Variants in PFDN1 observed in about 807,000 individuals in gnomAD.
PFDN1 encodes prefoldin subunit 1, also known as prefoldin 1.
Under a neutral mutation model 17.3 loss-of-function variants are expected in PFDN1, and 6 were observed. The ratio of observed to expected loss-of-function variants is 0.35; its 90% CI spans 0.19 to 0.69. The LOEUF (loss-of-function observed/expected upper bound fraction) is 0.69, where lower values mean the gene tolerates loss of function less well. PFDN1 is among the 30% of genes least tolerant of loss of function. The pLI, the probability that PFDN1 is intolerant of heterozygous loss-of-function variation, is 0.65. For missense variants in PFDN1, 113 were observed against 146.2 expected (o/e 0.77, Z 1.17); for synonymous variants, 58 against 50.1 (o/e 1.16, Z -0.67).
intron 2 of PFDN1, among the ~76,000 whole-genome samples, chr5:140,285,406 G>A (rs944284103): frequency 8.6e-5 from 13 of 151,904 alleles, no homozygotes; most frequent in Non-Finnish European, 1.6e-4. Flanking sequence ...CACTGGTGAG[G>A]AAAGTTACTG....
chr5:140,281,568 A>G (rs2126693214), intron 2 of PFDN1, 35 bp from the exon 3 acceptor site: 1 of 1,049,862 alleles, frequency 9.5e-7, no homozygotes, highest in East Asian at 2.4e-5. Flanking sequence ...ATTAAGCCAC[A>G]TGACTATTGA....
intron 3 of PFDN1, among the ~76,000 whole-genome samples, chr5:140,271,972 A>G (rs961934572): frequency 1.2e-3 from 170 of 144,466 alleles, no homozygotes; most frequent in Middle Eastern, 7.4e-3. Flanking sequence ...ATTTATATAC[A>G]TAAGATATAT....
At chr5:140,280,019 AAAGAAAAG>A (rs1171915875) in intron 3 of PFDN1, among the ~76,000 whole-genome samples, 9 of 148,738 alleles carry the variant, frequency 6.1e-5, no homozygotes, top group South Asian at 2.1e-4. Flanking sequence ...AAAAACAAAA[AAAGAAAAG>A]AAAAGAAAAG....
chr5:140,298,404 T>C (rs1765684262), intron 2 of PFDN1, among the ~76,000 whole-genome samples: 1 of 151,992 alleles, frequency 6.6e-6, no homozygotes, highest in Non-Finnish European at 1.5e-5. Context: ...TCTGAAGTAA[T>C]GGTCTACTTA....
At chr5:140,246,296 GACAGGCAGT>G (rs1561489304) in intron 3 of PFDN1, among the ~76,000 whole-genome samples, 1 of 152,132 alleles carries the variant, frequency 6.6e-6, no homozygotes, top group Non-Finnish European at 1.5e-5. Context: ...CTCTGTGGAG[GACAGGCAGT>G]AGCACTCTTC....
intron 3 of PFDN1, among the ~76,000 whole-genome samples, chr5:140,263,070 T>G (rs1483610596): frequency 6.6e-6 from 1 of 152,242 alleles, no homozygotes; most frequent in African/African-American, 2.4e-5. Context: ...GTACTTTTCA[T>G]AAGGGATAAA....
chr5:140,247,987 G>C (rs1764856238), intron 3 of PFDN1, among the ~76,000 whole-genome samples: 2 of 152,036 alleles, frequency 1.3e-5, no homozygotes, highest in Non-Finnish European at 2.9e-5. Flanking sequence ...TGCTGCTAAG[G>C]AATTTTAATT....
At chr5:140,277,493 CA>C (rs1163277612) in intron 3 of PFDN1, among the ~76,000 whole-genome samples, 2 of 151,652 alleles carry the variant, frequency 1.3e-5, no homozygotes, top group African/African-American at 4.8e-5. Context: ...TTCAGAAATA[CA>C]AATTTTCCAG....
chr5:140,257,206 A>G (rs1290997909), intron 3 of PFDN1, among the ~76,000 whole-genome samples: 3 of 151,048 alleles, frequency 2.0e-5, no homozygotes, highest in Non-Finnish European at 4.4e-5. Flanking sequence ...CTGGGCAACA[A>G]GAGCAAAACT....
In PFDN1 at chr5:140,249,747, G is replaced by C. The variant is rs930613611; in HGVS notation, c.286-3690C>G. 1.3e-5 allele frequency among the ~76,000 whole-genome samples: 2 copies of C among 152,272 alleles called. 1 individual carries two copies. Among genetic ancestry groups the C allele is most frequent in the Middle Eastern group, 6.8e-3 (2 of 294 alleles). On this transcript the variant is annotated intron_variant, in intron 3 of 3. Transcript: ENST00000261813. ...CCTGTACAGAAATCATGTGGCCAGAGAGGAAATGAGAGAGGAGGTGCCAGG... is the reference window on the plus strand; with the variant it reads ...CCTGTACAGAAATCATGTGGCCAGACAGGAAATGAGAGAGGAGGTGCCAGG...
At chr5:140,251,017 C>T (rs1011125877) in intron 3 of PFDN1, among the ~76,000 whole-genome samples, 1 of 152,100 alleles carries the variant, frequency 6.6e-6, no homozygotes, top group African/African-American at 2.4e-5. Context: ...TCACTGCAAA[C>T]TCTGCCTCCC....
Position 140,287,006 on chromosome 5 carries a change from C to T in PFDN1, c.201-5473G>A, listed in dbSNP as rs73791720. Among the ~76,000 whole-genome samples the T allele has an allele frequency of 3.3e-3, 505 of 152,270 alleles. 2 individuals are homozygous for T. The highest frequency in any genetic ancestry group is 0.011 in the African/African-American group (471 of 41,528). ...CTTGTATGTATTAGATTAGAACACT[C>T]GGTCTTTTTCGTACCATATTATAGT... On this transcript the variant is annotated intron_variant, in intron 2 of 3. Coordinates refer to ENST00000261813, the MANE Select transcript of PFDN1 (RefSeq NM_002622.5).
chr5:140,282,671 A>T (rs1765428487), intron 2 of PFDN1, among the ~76,000 whole-genome samples: 1 of 152,230 alleles, frequency 6.6e-6, no homozygotes, highest in Non-Finnish European at 1.5e-5. Flanking sequence ...GAGAAGTTTT[A>T]AAAATTAACA....
At chr5:140,262,110 C>T (rs1765073943) in intron 3 of PFDN1, among the ~76,000 whole-genome samples, 1 of 152,182 alleles carries the variant, frequency 6.6e-6, no homozygotes, top group Non-Finnish European at 1.5e-5. Context: ...GCATACTTCT[C>T]TTTGCAAACA....
rs923221648 is a variant in PFDN1, at chr5:140,254,466, C to G, written c.286-8409G>C. ...ATCATGCTTAGCCACCGGACTCCCC[C>G]CTCCTTGTTGCTTCAATCTTCCAGT... On this transcript the variant is annotated intron_variant, in intron 3 of 3. Transcript: ENST00000261813. This position sits in a 1 kb window ranked among gnomAD's most constrained non-coding sequence, Gnocchi z 4.4. 5.1e-4 allele frequency among the ~76,000 whole-genome samples: 77 copies of G among 152,290 alleles called. 1 individual carries two copies. The highest frequency in any genetic ancestry group is 9.2e-4 in the Admixed American group (14 of 15,292).
chr5:140,272,756 G>A (rs1168295366), intron 3 of PFDN1, among the ~76,000 whole-genome samples: 1 of 152,206 alleles, frequency 6.6e-6, no homozygotes, highest in Non-Finnish European at 1.5e-5. Context: ...TGATTAGGCA[G>A]TGATAAACAA....
Position 140,254,151 on chromosome 5 carries a change from C to T in PFDN1, c.286-8094G>A, listed in dbSNP as rs1764953772. ...CAAAAGCAGTCAGACAATGTGTAAA[C>T]AAATGGGTGTGGTGCAGATGAATGG... On this transcript the variant is annotated intron_variant, in intron 3 of 3. Coordinates refer to ENST00000261813, the MANE Select transcript of PFDN1 (RefSeq NM_002622.5). The surrounding 1 kb of genome is among the most constrained non-coding windows in gnomAD (Gnocchi z 4.4). Among the ~76,000 whole-genome samples, 1 of 152,164 alleles carries T rather than the reference C, an allele frequency of 6.6e-6. No individual in the cohort carries two copies. The highest frequency in any genetic ancestry group is 1.5e-5 in the Non-Finnish European group (1 of 68,034).
At position 140,246,065 on chromosome 5, in the gene PFDN1, A is replaced by AAAG; in HGVS notation, c.286-9_286-8insCTT. 6.5e-7 allele frequency: 1 copy of AAAG among 1,528,136 alleles called. No individual in the cohort carries two copies. The allele number at this position is 1,528,136 out of a possible 1,614,324, so 94.7% of individuals were successfully genotyped here. A position where few individuals can be genotyped will look rare whatever the true frequency, so the allele number is the denominator to read the frequency against. On this transcript the variant is annotated splice_polypyrimidine_tract_variant and intron_variant, in intron 3 of 3. Coordinates refer to ENST00000261813, the MANE Select transcript of PFDN1 (RefSeq NM_002622.5). Reference sequence around the variant, plus strand: ...CAGGTAGGACTTTTTCTGCTGCAATATGAGAGACAGACAAAGGTTAGGACC... The same window carrying AAAG: ...CAGGTAGGACTTTTTCTGCTGCAATAAAGTGAGAGACAGACAAAGGTTAGGACC...
At chr5:140,287,209 A>G (rs1002032142) in intron 2 of PFDN1, among the ~76,000 whole-genome samples, 1 of 152,236 alleles carries the variant, frequency 6.6e-6, no homozygotes, top group African/African-American at 2.4e-5. Flanking sequence ...TGGACACTGG[A>G]TGGTAGGAGC....
Sources: gnomAD v4.1 joint callset for allele counts (sites outside exome capture counted in the v4.1 genomes callset) on GRCh38, gnomAD v4.1.1 for gene constraint, Gnocchi (gnomAD v3.1) non-coding constraint, MANE v1.5 for transcripts, NCBI Gene and HGNC (gene_info 2026-07-23, HGNC 2026-07-21) for gene names.